The following ASXL1 variants were observed in gnomAD, a reference collection of about 807,000 sequenced individuals.
ASXL1 encodes ASXL transcriptional regulator 1, also known as polycomb group protein ASXL1.
ASXL1 carries 65 observed loss-of-function variants against 89.1 expected under a neutral mutation model. The ratio of observed to expected loss-of-function variants is 0.73; its 90% confidence interval spans 0.60 to 0.90. The LOEUF is 0.90. ASXL1 is among the 40% of genes least tolerant of loss of function. ASXL1 has a pLI of 0.00. For missense variants in ASXL1, 1,786 were observed against 1,942.9 expected (o/e 0.92, Z 1.52); for synonymous variants, 739 against 746.9 (o/e 0.99, Z 0.17).
chr20:32,370,193 AG>A (rs1367748263), intron 4 of ASXL1, among the ~76,000 whole-genome samples: 1 of 152,208 alleles, frequency 6.6e-6, no homozygotes, highest in African/African-American at 2.4e-5. Context: ...TTCATAATAA[AG>A]CTTAAATAGG....
At chr20:32,427,700 G>A (rs899733111) in intron 4 of ASXL1, 12 of 251,088 alleles carry the variant, frequency 4.8e-5, no homozygotes, top group Middle Eastern at 1.5e-3. Context: ...CCTCCATGCC[G>A]TCTTTCGCTC....
At chr20:32,424,019 A>G (rs1484876564) in intron 4 of ASXL1, among the ~76,000 whole-genome samples, 1 of 152,216 alleles carries the variant, frequency 6.6e-6, no homozygotes, top group Non-Finnish European at 1.5e-5. Context: ...ATTGCAGACA[A>G]CCAGGCCCTA....
intron 4 of ASXL1, among the ~76,000 whole-genome samples, chr20:32,418,038 C>T (rs2049167704): frequency 6.6e-6 from 1 of 152,010 alleles, no homozygotes; most frequent in African/African-American, 2.4e-5. Context: ...ATTAGCTGGG[C>T]ATAGTGGCAG....
chr20:32,370,884 C>T (rs940304895), intron 4 of ASXL1, among the ~76,000 whole-genome samples: 10 of 148,712 alleles, frequency 6.7e-5, no homozygotes, highest in African/African-American at 2.5e-4. Context: ...GCTGTGGTGG[C>T]TCATGCCTGT....
At chr20:32,420,089 C>A (rs1487321587) in intron 4 of ASXL1, among the ~76,000 whole-genome samples, 1 of 148,658 alleles carries the variant, frequency 6.7e-6, no homozygotes, top group Non-Finnish European at 1.5e-5. Context: ...TGGCCAAAAT[C>A]TTTTACTAGG....
At position 32,394,739 on chromosome 20, in the gene ASXL1, A is replaced by G. The variant is rs144333643; in HGVS notation, c.252+25616A>G. Reference sequence around the variant, plus strand: ...AACAATTTTTTTTTTTTTGAGACGGAGTCTCACTCGGTTGCCCAGGCTACA... The same window carrying G: ...AACAATTTTTTTTTTTTTGAGACGGGGTCTCACTCGGTTGCCCAGGCTACA... On this transcript the variant is annotated intron_variant, in intron 4 of 12. Transcript: ENST00000375687. 1.8e-3 allele frequency among the ~76,000 whole-genome samples: 279 copies of G among 151,072 alleles called. 1 individual carries two copies. The highest frequency in any genetic ancestry group is 6.6e-3 in the African/African-American group (271 of 41,030).
intron 4 of ASXL1, among the ~76,000 whole-genome samples, chr20:32,395,679 G>A (rs914193978): frequency 6.6e-6 from 1 of 152,100 alleles, no homozygotes; most frequent in African/African-American, 2.4e-5. Context: ...ATGTTTTTTA[G>A]TCATTTGATT....
intron 4 of ASXL1, among the ~76,000 whole-genome samples, chr20:32,419,640 T>G (rs1383674789): frequency 6.6e-6 from 1 of 151,986 alleles, no homozygotes. Flanking sequence ...AAATTATATT[T>G]TTGTTTTCTT....
chr20:32,369,051 A>G lies in ASXL1; in HGVS notation c.180A>G (p.Leu60=), dbSNP rs1488202042. ...TSPLACLNAM[L]HSNSRGGEGL... is the part of the protein sequence containing the mutation. ...CTCTCGCATGCCTCAATGCTATGCT[A>G]CATTCCAATTCAAGAGGAGGAGAGG... is the stretch of plus-strand genomic sequence containing the variant. Residue 60 remains leucine, a synonymous_variant, in exon 4 of 13, where the codon CTA becomes CTG. Transcript: ENST00000375687. 4.3e-6 allele frequency: 7 copies of G among 1,614,118 alleles called. No individual in the cohort carries two copies. Among genetic ancestry groups the G allele is most frequent in the Admixed American group, 1.7e-5 (1 of 60,016 alleles).
At position 32,436,820 on chromosome 20, in the gene ASXL1, G is replaced by A; in HGVS notation, c.4108G>A (p.Glu1370Lys). The change falls in exon 13 of 13, where the codon GAG becomes AAG. Residue 1370 changes from glutamate to lysine, a missense_variant. This residue lies in a region of ASXL1 where 1,418 missense variants were observed against 1,427.8 expected (regional missense o/e 0.99). Coordinates refer to ENST00000375687, the MANE Select transcript of ASXL1 (RefSeq NM_015338.6). Reference protein sequence around the residue: ...PHAFVGSVKNEKTFVGGPLKA... With the variant: ...PHAFVGSVKNKKTFVGGPLKA... ...TGCCTTTGTTGGCAGCGTCAAGAAT[G>A]AGAAGACTTTTGTGGGGGGTCCTCT... 1.2e-6 allele frequency: 2 copies of A among 1,614,216 alleles called. No individual in the cohort carries two copies. Among genetic ancestry groups the A allele is most frequent in the Non-Finnish European group, 1.7e-6 (2 of 1,180,036 alleles).
At chr20:32,362,585 G>C (rs1372046738) in intron 1 of ASXL1, among the ~76,000 whole-genome samples, 1 of 152,174 alleles carries the variant, frequency 6.6e-6, no homozygotes, top group Non-Finnish European at 1.5e-5. Flanking sequence ...GCAGTGAGCC[G>C]AGATCGAGCT....
chr20:32,414,072 GT>G (rs964475892), intron 4 of ASXL1, among the ~76,000 whole-genome samples: 1 of 151,832 alleles, frequency 6.6e-6, no homozygotes, highest in East Asian at 1.9e-4. Flanking sequence ...GATATCGTGT[GT>G]TTTTTTTGAC....
At chr20:32,399,959 G>A (rs1259845466) in intron 4 of ASXL1, among the ~76,000 whole-genome samples, 85 of 151,450 alleles carry the variant, frequency 5.6e-4, no homozygotes, top group Non-Finnish European at 4.1e-4. Flanking sequence ...ACGGGGTTTC[G>A]CCATGTTGGC....
At chr20:32,406,858 G>C (rs1260815570) in intron 4 of ASXL1, among the ~76,000 whole-genome samples, 4 of 152,064 alleles carry the variant, frequency 2.6e-5, no homozygotes, top group African/African-American at 9.7e-5. Flanking sequence ...GATACACACA[G>C]ATACCTTCTG....
intron 4 of ASXL1, chr20:32,427,767 T>C (rs1473894468): frequency 2.8e-6 from 1 of 353,916 alleles, no homozygotes; most frequent in East Asian, 7.2e-5. Context: ...CATGTTCACC[T>C]ATGTACTGTA....
At chr20:32,359,452 T>G in intron 1 of ASXL1, 1 of 696,742 alleles carries the variant, frequency 1.4e-6, no homozygotes, top group South Asian at 1.5e-5. Context: ...CCTAGGGCCC[T>G]TCGTAAGACC....
rs1009248494 is a variant in ASXL1, at chr20:32,414,309, CTTTT to C, written c.253-13810_253-13807del. Among the ~76,000 whole-genome samples, 3 of 140,220 alleles carry C rather than the reference CTTTT, an allele frequency of 2.1e-5. No individual in the cohort carries two copies. In the South Asian group the frequency reaches 6.8e-4, roughly 32 times the overall value. 92.0% of individuals were successfully genotyped at this position (140,220 alleles called of 152,430 possible). A position where few individuals can be genotyped will look rare whatever the true frequency, so the allele number is the denominator to read the frequency against. ...GACTCTCTTAATGGAGCTTCTTTTT[CTTTT>C]TTTTTTTTAATCAGTTCTCTAGGAG... On this transcript the variant is annotated intron_variant, in intron 4 of 12. Coordinates refer to ENST00000375687, the MANE Select transcript of ASXL1 (RefSeq NM_015338.6).
chr20:32,376,136 G>A (rs2048373589), intron 4 of ASXL1, among the ~76,000 whole-genome samples: 1 of 152,208 alleles, frequency 6.6e-6, no homozygotes. Flanking sequence ...AGCAAAGGAT[G>A]AAAGTGGTGG....
chr20:32,358,548 G>A lies in ASXL1; in HGVS notation c.-228G>A. On this transcript the variant is annotated 5_prime_UTR_variant, in exon 1 of 13. Coordinates refer to ENST00000375687, the MANE Select transcript of ASXL1 (RefSeq NM_015338.6). ...GCCGCCGCTGCCGCCGTGGGCGACTGACGCAGCGCGGGCGCGTGGAGCCGC... is the reference window on the plus strand; with the variant it reads ...GCCGCCGCTGCCGCCGTGGGCGACTAACGCAGCGCGGGCGCGTGGAGCCGC... 4.7e-6 allele frequency: 1 copy of A among 214,374 alleles called. No individual in the cohort carries two copies. Among genetic ancestry groups the A allele is most frequent in the East Asian group, 6.6e-5 (1 of 15,166 alleles). The allele number at this position is 214,374 out of a possible 1,614,324, so 13.3% of individuals were successfully genotyped here. A position where few individuals can be genotyped will look rare whatever the true frequency, so the allele number is the denominator to read the frequency against.
Sources: allele counts gnomAD v4.1 joint callset (sites outside exome capture counted in the v4.1 genomes callset), GRCh38; gene constraint gnomAD v4.1.1; regional missense constraint gnomAD v4.1.1; transcripts MANE v1.5; gene names NCBI Gene and HGNC (gene_info 2026-07-23, HGNC 2026-07-21).